Variants in KCNT1 observed in about 807,000 individuals in gnomAD.
KCNT1 encodes potassium channel subfamily T member 1.
A neutral mutation model predicts 147.8 loss-of-function variants in KCNT1; 78 were observed. That is an observed-to-expected ratio of 0.53 (90% confidence interval 0.44 to 0.64). The LOEUF is 0.64. Among genes scored for constraint, KCNT1 ranks in the 30% least tolerant of loss-of-function variants. The pLI is 0.00. For missense variants in KCNT1, 1,419 were observed against 1,750.3 expected, an observed-to-expected ratio of 0.81 and a Z score of 3.38; for synonymous variants, 867 against 748.8, an observed-to-expected ratio of 1.16 and a Z score of -2.58.
intron 2 of KCNT1, among the ~76,000 whole-genome samples, chr9:135,733,189 G>GCACCTGCCCCCA (rs1392014547): frequency 2.8e-5 from 2 of 72,246 alleles, no homozygotes; most frequent in African/African-American, 1.1e-4. Context: ...ACCTGCCCCC[G>GCACCTGCCCCCA]CACCTGCCCC....
chr9:135,785,165 C>T (rs140226409), intron 27 of KCNT1, 145 bp from the exon 28 acceptor site: 26 of 1,277,972 alleles, frequency 2.0e-5, no homozygotes, highest in African/African-American at 1.6e-4. Context: ...AGGAAGAATA[C>T]GGGCAGCCCC....
At chr9:135,769,248 T>C (rs1346161198) in intron 15 of KCNT1, among the ~76,000 whole-genome samples, 1 of 143,370 alleles carries the variant, frequency 7.0e-6, no homozygotes, top group Non-Finnish European at 1.5e-5. Context: ...TCGGTGTGTC[T>C]GGGGCAGGGC....
intron 11 of KCNT1, among the ~76,000 whole-genome samples, chr9:135,760,944 G>C (rs1831874423): frequency 6.6e-6 from 1 of 152,184 alleles, no homozygotes; most frequent in Non-Finnish European, 1.5e-5. Flanking sequence ...GAAGCCAGTT[G>C]TGTGTGGCTT....
chr9:135,768,757 C>G (rs1832507183), intron 14 of KCNT1, 72 bp from the exon 15 acceptor site: 1 of 1,544,566 alleles, frequency 6.5e-7, no homozygotes, highest in Non-Finnish European at 8.8e-7. Context: ...AGACCTGCCC[C>G]AGGCTGCCGG....
intron 17 of KCNT1, 42 bp downstream of exon 17, chr9:135,770,489 G>A (rs763493175): frequency 6.3e-7 from 1 of 1,575,902 alleles, no homozygotes; most frequent in East Asian, 2.2e-5. Flanking sequence ...CTCCAGGGCT[G>A]CTCTGCTCTG....
rs557325433 is a variant in KCNT1 at position 135,754,022 on chromosome 9, C to T, written c.491+29C>T. ...AGTCCACACTCCAGCTCCCAATAGC[C>T]AGGCGCTCAGAGGCCTGGGACCAGG... is the stretch of plus-strand genomic sequence containing the variant. On this transcript the variant is annotated intron_variant, in intron 5 of 30. Coordinates refer to ENST00000371757, the MANE Select transcript of KCNT1 (RefSeq NM_020822.3). 3.7e-6 allele frequency: 6 copies of T among 1,607,896 alleles called. No individual in the cohort carries two copies. In the East Asian group the frequency reaches 1.1e-4, roughly 30 times the overall value.
At chr9:135,770,095 G>T in intron 16 of KCNT1, 40 bp downstream of exon 16, 1 of 1,512,994 alleles carries the variant, frequency 6.6e-7, no homozygotes, top group Non-Finnish European at 8.9e-7. Flanking sequence ...CTCCATGGCG[G>T]GGCCGGCGCA....
At chr9:135,784,725 A>G (rs1564391170) in intron 26 of KCNT1, 36 bp from the exon 27 acceptor site, 2 of 1,609,784 alleles carry the variant, frequency 1.2e-6, no homozygotes, top group South Asian at 1.1e-5. Context: ...GGGTGCTGCC[A>G]CCTGCCCCAG....
intron 20 of KCNT1, among the ~76,000 whole-genome samples, chr9:135,776,269 T>A (rs1331311409): frequency 6.6e-6 from 1 of 152,002 alleles, no homozygotes; most frequent in Non-Finnish European, 1.5e-5. Context: ...GTTGTTTGGT[T>A]TTTTTTAAGA....
At chr9:135,734,835 G>A (rs963571440) in intron 2 of KCNT1, among the ~76,000 whole-genome samples, 4 of 152,216 alleles carry the variant, frequency 2.6e-5, no homozygotes, top group South Asian at 2.1e-4. Flanking sequence ...CTTCCTCCCC[G>A]CCCCAGGGTG....
At position 135,702,262 on chromosome 9, in the gene KCNT1, C is replaced by G. The variant is rs748898708; in HGVS notation, c.4C>G (p.Pro2Ala). The G allele has an allele frequency of 1.3e-5, 21 of 1,607,170 alleles. No homozygotes were observed. Among genetic ancestry groups the G allele is most frequent in the Non-Finnish European group, 1.7e-5 (20 of 1,176,508 alleles). Reference sequence around the variant, plus strand: ...CGGGTCCGAGCTGCCAGGCCGCATGCCACTCCCTGACGGGGCGCGGACCCC... The same window carrying G: ...CGGGTCCGAGCTGCCAGGCCGCATGGCACTCCCTGACGGGGCGCGGACCCC... M[P>A]LPDGARTPGG... Residue 2 changes from proline (P) to alanine (A), a missense_variant, in exon 1 of 31, where the codon CCA (proline) becomes GCA (alanine). Coordinates refer to ENST00000371757, the MANE Select transcript of KCNT1 (RefSeq NM_020822.3).
At chr9:135,768,797 C>G (rs765483346) in intron 14 of KCNT1, 32 bp from the exon 15 acceptor site, 8 of 1,591,214 alleles carry the variant, frequency 5.0e-6, no homozygotes, top group Admixed American at 1.7e-5. Context: ...GAGGCCAGCC[C>G]GTCTGCACTG....
At chr9:135,782,878 C>T (rs970312869) in intron 24 of KCNT1, among the ~76,000 whole-genome samples, 2 of 152,250 alleles carry the variant, frequency 1.3e-5, no homozygotes, top group Admixed American at 6.5e-5. Context: ...GCGGAAACGC[C>T]GCACGAAACT....
At chr9:135,785,266 G>T in intron 27 of KCNT1, 44 bp from the exon 28 acceptor site, 1 of 1,610,510 alleles carries the variant, frequency 6.2e-7, no homozygotes, top group South Asian at 1.1e-5. Flanking sequence ...GTGGGGGGCA[G>T]GGGTGCGCCC....
At chr9:135,743,351 G>A (rs1200666118) in intron 2 of KCNT1, among the ~76,000 whole-genome samples, 4 of 152,168 alleles carry the variant, frequency 2.6e-5, no homozygotes, top group Non-Finnish European at 1.5e-5. Context: ...GAAGCCCCCC[G>A]CTGCCATCCA....
intron 2 of KCNT1, among the ~76,000 whole-genome samples, chr9:135,717,329 G>A (rs1835760877): frequency 6.6e-6 from 1 of 152,038 alleles, no homozygotes; most frequent in African/African-American, 2.4e-5. Flanking sequence ...TCTATAGGAT[G>A]GGACAGGGAG....
rs557418203 is a variant in KCNT1, at chr9:135,778,846, G to A, written c.2729+24G>A. The A allele has an allele frequency of 5.6e-6, 9 of 1,608,584 alleles. No individual in the cohort carries two copies. In the South Asian group the frequency reaches 7.7e-5, roughly 14 times the overall value. ...CGGTGCGTCCAGTGTCCGGGGCTCG[G>A]CTCTAAACCACCCCACAGCCACGAC... On this transcript the variant is annotated intron_variant, in intron 23 of 30. Coordinates refer to ENST00000371757, the MANE Select transcript of KCNT1 (RefSeq NM_020822.3).
chr9:135,778,185 C>T (rs1272470243), intron 21 of KCNT1, among the ~76,000 whole-genome samples: 3 of 152,224 alleles, frequency 2.0e-5, no homozygotes, highest in Non-Finnish European at 4.4e-5. Flanking sequence ...GACAGCTGAG[C>T]CCAGGGTCAT....
In KCNT1 at chr9:135,772,826, G is replaced by A. The variant is rs1407599692; in HGVS notation, c.2120G>A (p.Arg707Gln). Residue 707 changes from arginine (R) to glutamine (Q), a missense_variant, in exon 19 of 31, where the codon CGG becomes CAG. Arg to Gln is a conservative substitution (Grantham distance 43). Around this residue, in one of 5 missense-constraint regions of KCNT1, gnomAD observed 284 missense variants for 292.8 expected, o/e 0.97. Transcript: ENST00000371757. ...ACGGAGAACGGCTCGGGCAGCCGGC[G>A]GCCCAGCATCGCGCCCGTCCTGGAA... ...LPTENGSGSR[R>Q]PSIAPVLELA... 16 of 1,527,210 alleles carry A rather than the reference G, an allele frequency of 1.0e-5. No homozygotes were observed. The highest frequency in any genetic ancestry group is 1.4e-5 in the African/African-American group (1 of 72,400). The allele number at this position is 1,527,210 out of a possible 1,614,324, so 94.6% of individuals were successfully genotyped here.
Sources: gnomAD v4.1 joint callset for allele counts (sites outside exome capture counted in the v4.1 genomes callset) on GRCh38, gnomAD v4.1.1 for gene constraint, gnomAD v4.1.1 regional missense constraint, MANE v1.5 for transcripts, NCBI Gene and HGNC (gene_info 2026-07-23, HGNC 2026-07-21) for gene names.